DMD: variants seen among roughly 807,000 people sequenced by gnomAD.
DMD encodes dystrophin, also known as mutant dystrophin.
In DMD, 63 loss-of-function variants were observed where a neutral mutation model predicts 330.1. That is an observed-to-expected ratio of 0.19 (90% CI 0.16 to 0.24). DMD has a LOEUF of 0.24. Ranked by LOEUF, DMD falls within the 10% of genes least tolerant of loss-of-function variation. The pLI is 1.00. For missense variants in DMD, 3,344 were observed against 2,684.1 expected, an observed-to-expected ratio of 1.25 and a Z score of -5.43; for synonymous variants, 1,223 against 959.8, an observed-to-expected ratio of 1.27 and a Z score of -5.07.
intron 2 of DMD, among the ~76,000 whole-genome samples, chrX:33,013,863 G>C (rs144024554): frequency 0.053 from 5,945 of 111,853 alleles, 410 homozygotes; most frequent in African/African-American, 0.18. Flanking sequence ...GTGTTTGTGT[G>C]TACGTGTTGA....
In DMD at chrX:31,549,085, A is replaced by G. The variant is rs1357026737; in HGVS notation, c.8218-41632T>C. Among the ~76,000 whole-genome samples the G allele has an allele frequency of 4.5e-5, 5 of 111,842 alleles. No homozygotes were observed. The East Asian group carries it at 1.4e-3, about 31-fold the overall frequency. On this transcript the variant is annotated intron_variant, in intron 55 of 78. Coordinates refer to ENST00000357033, the MANE Select transcript of DMD (RefSeq NM_004006.3). ...GAAGGCCCATAAAAATGAGGAGGGT[A>G]TGGATTATTGAAATTGTGTGAAATT... is the stretch of plus-strand genomic sequence containing the variant.
At chrX:32,412,104 C>T (rs1295949041) in intron 29 of DMD, 191 bp from the exon 30 acceptor site, 22 of 1,163,388 alleles carry the variant, frequency 1.9e-5, no homozygotes, top group Non-Finnish European at 2.3e-5. Context: ...AAATAAATAG[C>T]AAACAAAACT....
intron 23 of DMD, among the ~76,000 whole-genome samples, chrX:32,466,392 T>A (rs923738409): frequency 6.3e-5 from 7 of 111,762 alleles, no homozygotes; most frequent in African/African-American, 2.3e-4. Flanking sequence ...ATGTTGGATT[T>A]CCTTCCTGCC....
At chrX:32,460,766 C>CA (rs2098380566) in intron 25 of DMD, among the ~76,000 whole-genome samples, 1 of 111,489 alleles carries the variant, frequency 9.0e-6, no homozygotes, top group African/African-American at 3.3e-5. Context: ...ACTGACTACC[C>CA]AATAGAAAGT....
chrX:33,080,103 A>C (rs2094905161), intron 1 of DMD, among the ~76,000 whole-genome samples: 1 of 112,589 alleles, frequency 8.9e-6, no homozygotes, highest in African/African-American at 3.2e-5. Context: ...ACATTCTCAT[A>C]AACTTTTTAG....
chrX:32,793,678 G>A (rs183173640), intron 7 of DMD, among the ~76,000 whole-genome samples: 3 of 111,307 alleles, frequency 2.7e-5, no homozygotes, highest in East Asian at 2.8e-4. Flanking sequence ...ATAAATTCCC[G>A]GACACATACA....
chrX:31,225,040 T>G (rs148667844), intron 63 of DMD, among the ~76,000 whole-genome samples: 1 of 112,709 alleles, frequency 8.9e-6, no homozygotes, highest in Non-Finnish European at 1.9e-5. Context: ...AAATGTTATA[T>G]CTTGATTGGC....
intron 1 of DMD, among the ~76,000 whole-genome samples, chrX:33,079,664 AG>A (rs2094897821): frequency 8.9e-6 from 1 of 111,875 alleles, no homozygotes; most frequent in Non-Finnish European, 1.9e-5. Context: ...CTAAAAGATT[AG>A]GCCAGAAAGA....
intron 11 of DMD, among the ~76,000 whole-genome samples, chrX:32,623,528 AT>A (rs568825537): frequency 0.032 from 2,923 of 92,012 alleles, 47 homozygotes; most frequent in East Asian, 0.1. Flanking sequence ...TAATACTAGT[AT>A]TTTTTTTTTT....
intron 56 of DMD, among the ~76,000 whole-genome samples, chrX:31,504,543 G>A (rs2070740775): frequency 9.0e-6 from 1 of 111,347 alleles, no homozygotes; most frequent in African/African-American, 3.3e-5. Context: ...TTTAATTGTG[G>A]CAACTTTTCA....
intron 47 of DMD, among the ~76,000 whole-genome samples, chrX:31,925,506 G>A (rs1308192259): frequency 8.9e-6 from 1 of 111,743 alleles, no homozygotes; most frequent in Non-Finnish European, 1.9e-5. Context: ...CGGGGTCAGG[G>A]AAGGAGAGCA....
At chrX:32,044,582 C>T (rs188179196) in intron 44 of DMD, among the ~76,000 whole-genome samples, 1,591 of 110,079 alleles carry the variant, frequency 0.014, 30 homozygotes, top group African/African-American at 0.049. Context: ...CCACCATGCC[C>T]AGCTAATTTT....
chrX:31,627,405 T>C lies in DMD; in HGVS notation c.8217+268A>G, dbSNP rs187440299. Among the ~76,000 whole-genome samples the C allele has an allele frequency of 5.3e-5, 6 of 112,451 alleles. No individual in the cohort carries two copies. In the East Asian group the frequency reaches 1.7e-3, roughly 32 times the overall value. On this transcript the variant is annotated intron_variant, in intron 55 of 78. Coordinates refer to ENST00000357033, the MANE Select transcript of DMD (RefSeq NM_004006.3). ...CCCTAAGTTATTTCTCTGAGCAAAGTTTCTCCTTGACCGAAGCTCTGGTTT... is the reference window on the plus strand; with the variant it reads ...CCCTAAGTTATTTCTCTGAGCAAAGCTTCTCCTTGACCGAAGCTCTGGTTT...
At chrX:32,568,995 A>G (rs1216949980) in intron 15 of DMD, among the ~76,000 whole-genome samples, 3 of 112,339 alleles carry the variant, frequency 2.7e-5, no homozygotes, top group African/African-American at 9.7e-5. Flanking sequence ...CCAGAGACCC[A>G]TAGAGCTCTA....
At chrX:31,199,583 A>G (rs1602621303) in intron 67 of DMD, among the ~76,000 whole-genome samples, 2 of 112,110 alleles carry the variant, frequency 1.8e-5, no homozygotes, top group South Asian at 7.5e-4. Context: ...GGGATATGAG[A>G]AAACCTTTAA....
intron 60 of DMD, among the ~76,000 whole-genome samples, chrX:31,382,473 A>C (rs750980563): frequency 9.0e-6 from 1 of 111,568 alleles, no homozygotes; most frequent in Non-Finnish European, 1.9e-5. Context: ...ATCACAGCTG[A>C]TATCTCTTGG....
At chrX:32,324,933 T>C (rs2097642917) in intron 41 of DMD, among the ~76,000 whole-genome samples, 2 of 111,385 alleles carry the variant, frequency 1.8e-5, no homozygotes, top group Admixed American at 1.9e-4. Flanking sequence ...CTAATCAAAA[T>C]ATAATAATCC....
At chrX:33,145,401 C>T (rs2047979085) in intron 1 of DMD, among the ~76,000 whole-genome samples, 2 of 111,520 alleles carry the variant, frequency 1.8e-5, no homozygotes, top group African/African-American at 6.5e-5. Flanking sequence ...ACTATCTCAA[C>T]TCAGTTTGTT....
intron 50 of DMD, among the ~76,000 whole-genome samples, chrX:31,810,854 A>T (rs1380401420): frequency 1.8e-5 from 2 of 111,960 alleles, no homozygotes. Context: ...TCTTGGTCAG[A>T]GTATGACAGT....
Sources: gnomAD v4.1 joint callset for allele counts (sites outside exome capture counted in the v4.1 genomes callset) on GRCh38, gnomAD v4.1.1 for gene constraint, MANE v1.5 for transcripts, NCBI Gene and HGNC (gene_info 2026-07-23, HGNC 2026-07-21) for gene names.